Variants in LAMB4 observed in about 807,000 individuals in gnomAD.
The protein encoded by LAMB4 is laminin subunit beta 4, also known as laminin subunit beta-4.
Under a neutral mutation model 199.2 loss-of-function variants are expected in LAMB4, and 196 were observed. The observed-to-expected ratio is 0.98, with a 90% CI of 0.88 to 1.11. The LOEUF (loss-of-function observed/expected upper bound fraction) is 1.11. Among genes scored for constraint, LAMB4 ranks in the 50% least tolerant of loss-of-function variants. The pLI, the probability that LAMB4 is intolerant of heterozygous loss-of-function variation, is 0.00. For synonymous variants in LAMB4, 744 were observed against 770.6 expected (o/e 0.97, Z 0.57); for missense variants, 2,080 against 2,171.2 (o/e 0.96, Z 0.83).
downstream of LAMB4, among the ~76,000 whole-genome samples, chr7:108,018,627 C>T (rs2034631573): frequency 1.3e-5 from 2 of 152,048 alleles, no homozygotes; most frequent in African/African-American, 4.8e-5. Context: ...TATCCTTGAA[C>T]CTAAGAGGCG....
intron 13 of LAMB4, 78 bp downstream of exon 13, chr7:108,092,259 A>G (rs1470143236): frequency 9.2e-7 from 1 of 1,088,888 alleles, no homozygotes; most frequent in African/African-American, 1.6e-5. Context: ...TTTTTCACCT[A>G]TGACTATGAG....
intron 17 of LAMB4, among the ~76,000 whole-genome samples, chr7:108,076,141 C>A (rs1369556305): frequency 6.6e-6 from 1 of 151,884 alleles, no homozygotes; most frequent in African/African-American, 2.4e-5. Context: ...ATCAAATATA[C>A]ATATGTATCA....
In LAMB4 at chr7:108,103,083, C is replaced by T. The variant is rs566829715; in HGVS notation, c.1141G>A (p.Asp381Asn). Residue 381 changes from aspartate (D) to asparagine (N), a missense_variant, in exon 10 of 34, where the codon GAC becomes AAC. Transcript: ENST00000388781. Reference sequence around the variant, plus strand: ...GGATCTGAGATGGTCTTGAGCGGGTCCCTGTAGAAGAGGGGTCTGCAGCGG... The same window carrying T: ...GGATCTGAGATGGTCTTGAGCGGGTTCCTGTAGAAGAGGGGTCTGCAGCGG... The part of the protein sequence containing the change: ...CDRCRPLFYR[D>N]PLKTISDPYA... 9.3e-6 allele frequency: 15 copies of T among 1,610,774 alleles called. No individual in the cohort carries two copies. The highest frequency in any genetic ancestry group is 1.2e-5 in the Non-Finnish European group (14 of 1,177,436).
chr7:108,059,908 A>G (rs1177156289), intron 23 of LAMB4, among the ~76,000 whole-genome samples: 1 of 152,202 alleles, frequency 6.6e-6, no homozygotes, highest in African/African-American at 2.4e-5. Context: ...TGTCTTTATC[A>G]TATTAGCTTA....
rs114035765 is a variant in LAMB4, at chr7:108,042,785, C to G, written c.4471+967G>C. On this transcript the variant is annotated intron_variant, in intron 29 of 33. Transcript: ENST00000388781. ...AAAAACCTTGGCCACAGGGGTCTCTCACACATATTAAGTAGAATAATGAAG... is the reference window on the plus strand; with the variant it reads ...AAAAACCTTGGCCACAGGGGTCTCTGACACATATTAAGTAGAATAATGAAG... Among the ~76,000 whole-genome samples the G allele has an allele frequency of 4.1e-3, 618 of 152,202 alleles. 2 individuals carry two copies. The highest frequency in any genetic ancestry group is 0.014 in the African/African-American group (590 of 41,534).
At chr7:108,109,754 G>A (rs933278988) in intron 4 of LAMB4, among the ~76,000 whole-genome samples, 8 of 152,134 alleles carry the variant, frequency 5.3e-5, no homozygotes, top group Non-Finnish European at 1.0e-4. Flanking sequence ...CTCTGTGGCT[G>A]AGGCGGTGGT....
chr7:108,014,221 C>A, the LAMB4 span, among the ~76,000 whole-genome samples: 1 of 152,168 alleles, frequency 6.6e-6, no homozygotes, highest in African/African-American at 2.4e-5. Flanking sequence ...TTCACATCCC[C>A]AAGAAAAGAG....
At position 108,106,536 on chromosome 7, in the gene LAMB4, C is replaced by A; in HGVS notation, c.628G>T (p.Glu210Ter). The change falls in exon 7 of 34, where the codon GAA (glutamate) becomes TAA (stop). Residue 210 changes from glutamate to a stop codon, truncating the protein, a stop_gained. Coordinates refer to ENST00000388781, the MANE Select transcript of LAMB4 (RefSeq NM_007356.3). LOFTEE classifies it high-confidence loss of function. The stretch of plus-strand genomic sequence containing the variant: ...TGGATGTAGGGGCTATAAGGGTTTT[C>A]AATTTCAAAACTGGGATCCAAAACT... Reference protein sequence around the residue: ...LKVLDPSFEIENPYSPYIQDL... With the variant: ...LKVLDPSFEI The A allele has an allele frequency of 6.3e-7, 1 of 1,583,708 alleles. No individual in the cohort carries two copies. Among genetic ancestry groups the A allele is most frequent in the Non-Finnish European group, 8.7e-7 (1 of 1,154,128 alleles).
At chr7:108,040,253 T>A (rs1464608943) in intron 29 of LAMB4, among the ~76,000 whole-genome samples, 1 of 151,862 alleles carries the variant, frequency 6.6e-6, no homozygotes, top group Non-Finnish European at 1.5e-5. Context: ...GCGCAAAGAA[T>A]CCAGAGGTGA....
chr7:108,083,918 T>G (rs1375133903), intron 14 of LAMB4, among the ~76,000 whole-genome samples: 2 of 152,144 alleles, frequency 1.3e-5, no homozygotes, highest in Non-Finnish European at 2.9e-5. Context: ...TGCTACATGG[T>G]CTCTTGGGCT....
chr7:108,072,488 G>A (rs2036566132), intron 17 of LAMB4, among the ~76,000 whole-genome samples: 1 of 152,124 alleles, frequency 6.6e-6, no homozygotes, highest in South Asian at 2.1e-4. Context: ...GGATGGTAAG[G>A]AATATTAGAA....
At chr7:108,105,138 C>G (rs938328087) in intron 8 of LAMB4, among the ~76,000 whole-genome samples, 5 of 152,106 alleles carry the variant, frequency 3.3e-5, no homozygotes, top group African/African-American at 1.2e-4. Flanking sequence ...AACATTAAGC[C>G]TTGTATAATT....
At chr7:108,110,577 A>G (rs2038187717) in intron 4 of LAMB4, among the ~76,000 whole-genome samples, 1 of 152,204 alleles carries the variant, frequency 6.6e-6, no homozygotes, top group African/African-American at 2.4e-5. Flanking sequence ...CTGAGTGTCA[A>G]GGGTCCTAAC....
At chr7:108,045,537 A>C (rs1293014437) in intron 28 of LAMB4, among the ~76,000 whole-genome samples, 1 of 152,246 alleles carries the variant, frequency 6.6e-6, no homozygotes, top group African/African-American at 2.4e-5. Context: ...TTTCAAGGAT[A>C]ATTTTTTAAC....
chr7:108,121,774 T>G (rs1214181440), intron 2 of LAMB4, among the ~76,000 whole-genome samples: 4 of 150,412 alleles, frequency 2.7e-5, no homozygotes, highest in Non-Finnish European at 5.9e-5. Context: ...AAAGAACGCA[T>G]GTAGATAAGG....
In LAMB4 at chr7:108,103,305, C is replaced by G. The variant is rs574002382; in HGVS notation, c.992-73G>C. ...GCACAGCCAGTGCCCCCGCACTGGT[C>G]AGGGCACCCGCTAGTCCTCCTTGTC... is the stretch of plus-strand genomic sequence containing the variant. On this transcript the variant is annotated intron_variant, in intron 9 of 33. Transcript: ENST00000388781. The G allele has an allele frequency of 8.0e-6, 10 of 1,256,182 alleles. No homozygotes were observed. The South Asian group carries it at 1.5e-4, about 19-fold the overall frequency. The allele number at this position is 1,256,182 out of a possible 1,614,324, so 77.8% of individuals were successfully genotyped here. A position where few individuals can be genotyped will look rare whatever the true frequency, so the allele number is the denominator to read the frequency against.
Position 108,063,790 on chromosome 7 carries a change from T to C in LAMB4, c.3032A>G (p.Tyr1011Cys), listed in dbSNP as rs777378619. ...ANCQLCKPGH[Y>C]GSALNQTCRR... is the part of the protein sequence containing the mutation. ...GCAGGTCTGATTGAGGGCTGATCCATAGTGACCTGGTTTGCAGAGCTGGCA... is the reference window on the plus strand; with the variant it reads ...GCAGGTCTGATTGAGGGCTGATCCACAGTGACCTGGTTTGCAGAGCTGGCA... Residue 1011 changes from tyrosine to cysteine, a missense_variant, in exon 22 of 34, where the codon TAT becomes TGT. Transcript: ENST00000388781. The C allele has an allele frequency of 5.6e-6, 9 of 1,614,184 alleles. No individual in the cohort carries two copies. Among genetic ancestry groups the C allele is most frequent in the African/African-American group, 2.7e-5 (2 of 75,044 alleles).
intron 18 of LAMB4, 151 bp from the exon 19 acceptor site, chr7:108,068,310 C>T: frequency 3.7e-6 from 3 of 802,994 alleles, no homozygotes; most frequent in South Asian, 1.8e-5. Context: ...ATAGAATCTG[C>T]CTTGTGGGAT....
At position 108,110,008 on chromosome 7, in the gene LAMB4, T is replaced by G. The variant is rs548979769; in HGVS notation, c.329-764A>C. Among the ~76,000 whole-genome samples the G allele has an allele frequency of 4.6e-5, 7 of 152,334 alleles. No homozygotes were observed. In the South Asian group the frequency reaches 1.4e-3, roughly 32 times the overall value. On this transcript the variant is annotated intron_variant, in intron 4 of 33. Coordinates refer to ENST00000388781, the MANE Select transcript of LAMB4 (RefSeq NM_007356.3). ...TAAACCAACATATTTAAATGTTATTTTGACATATAATCAATATTTTAAAAA... is the reference window on the plus strand; with the variant it reads ...TAAACCAACATATTTAAATGTTATTGTGACATATAATCAATATTTTAAAAA...
Sources: gnomAD v4.1 joint callset for allele counts (sites outside exome capture counted in the v4.1 genomes callset) on GRCh38, gnomAD v4.1.1 for gene constraint, MANE v1.5 for transcripts, NCBI Gene and HGNC (gene_info 2026-07-23, HGNC 2026-07-21) for gene names.